The following E2F2 variants were observed in gnomAD, a reference collection of about 807,000 sequenced individuals.
The protein encoded by E2F2 is transcription factor E2F2.
In E2F2, 22 loss-of-function variants were observed where a neutral mutation model predicts 42.2. The observed-to-expected ratio is 0.52, with a 90% CI of 0.37 to 0.74. E2F2 has a LOEUF of 0.74. Ranked by LOEUF, E2F2 falls within the 30% of genes least tolerant of loss-of-function variation. The probability of loss-of-function intolerance (pLI) is 0.00; values close to 1 mark genes in which losing one functional copy is unlikely to be tolerated. For missense variants in E2F2, 481 were observed against 557.8 expected, an observed-to-expected ratio of 0.86 and a Z score of 1.39; for synonymous variants, 248 against 251.6, an observed-to-expected ratio of 0.99 and a Z score of 0.13.
At chr1:23,525,197 C>A (rs1004635171) in intron 1 of E2F2, among the ~76,000 whole-genome samples, 1 of 142,050 alleles carries the variant, frequency 7.0e-6, no homozygotes, top group Non-Finnish European at 1.6e-5. Flanking sequence ...CACCCCCCCC[C>A]TCCAGCTCCC....
At position 23,531,028 on chromosome 1, in the gene E2F2, C is replaced by T; in HGVS notation, c.-235G>A. 6.5e-6 allele frequency: 3 copies of T among 463,124 alleles called. No individual in the cohort carries two copies. The highest frequency in any genetic ancestry group is 1.1e-5 in the Non-Finnish European group (3 of 273,476). The allele number at this position is 463,124 out of a possible 1,614,324, so 28.7% of individuals were successfully genotyped here. On this transcript the variant is annotated 5_prime_UTR_variant, in exon 1 of 7. Transcript: ENST00000361729. ...CCGGCGGCTGCGGTGGTGGCACTGC[C>T]AGGGGCTGTCTCGTCCCGAGGGCAC...
At chr1:23,527,017 T>C (rs976245959) in intron 1 of E2F2, among the ~76,000 whole-genome samples, 2 of 152,242 alleles carry the variant, frequency 1.3e-5, no homozygotes, top group African/African-American at 4.8e-5. Context: ...TGGCTTGGGC[T>C]GAACCTGCAG....
rs1426946436 is a variant in E2F2 at position 23,509,090 on chromosome 1, G to A, written c.*790C>T. 1 of 152,058 alleles carries A rather than the reference G, an allele frequency of 6.6e-6. No homozygotes were observed. Among genetic ancestry groups the A allele is most frequent in the Non-Finnish European group, 1.5e-5 (1 of 68,008 alleles). 9.4% of individuals were successfully genotyped at this position (152,058 alleles called of 1,614,324 possible). ...GAGGTAAGGACTTCCTCAGGAAAGG[G>A]GTCTCCTGAGCAGGTGGCTCCTGTT... On this transcript the variant is annotated 3_prime_UTR_variant, in exon 7 of 7. Transcript: ENST00000361729.
chr1:23,530,846 G>A lies in E2F2; in HGVS notation c.-53C>T. The A allele has an allele frequency of 7.0e-7, 1 of 1,427,050 alleles. No homozygotes were observed. Among genetic ancestry groups the A allele is most frequent in the Non-Finnish European group, 9.2e-7 (1 of 1,091,810 alleles). 88.4% of individuals were successfully genotyped at this position (1,427,050 alleles called of 1,614,324 possible). Reference sequence around the variant, plus strand: ...GGGCTTGGCGCGCCCGCGGACACCTGCGGGTTCCGGTGCTGCCGCCTTTCA... The same window carrying A: ...GGGCTTGGCGCGCCCGCGGACACCTACGGGTTCCGGTGCTGCCGCCTTTCA... On this transcript the variant is annotated 5_prime_UTR_variant, in exon 1 of 7. Coordinates refer to ENST00000361729, the MANE Select transcript of E2F2 (RefSeq NM_004091.4). This position sits in a 1 kb window ranked among gnomAD's most constrained non-coding sequence, Gnocchi z 4.4.
chr1:23,523,629 T>C (rs535708352), intron 2 of E2F2, among the ~76,000 whole-genome samples: 6 of 152,334 alleles, frequency 3.9e-5, no homozygotes, highest in African/African-American at 1.4e-4. Context: ...TGTCTGCATG[T>C]GGGAGAAAGA....
chr1:23,515,733 CCT>C (rs1300701661), intron 6 of E2F2, among the ~76,000 whole-genome samples: 6 of 151,506 alleles, frequency 4.0e-5, no homozygotes, highest in Non-Finnish European at 8.8e-5. Flanking sequence ...ACAGGGTCTC[CCT>C]CTGTTGCCCA....
chr1:23,524,785 G>A (rs1261398240), intron 1 of E2F2, among the ~76,000 whole-genome samples: 5 of 152,252 alleles, frequency 3.3e-5, no homozygotes, highest in South Asian at 4.1e-4. Context: ...CCTTAACCAC[G>A]GGCCCTAAGC....
intron 4 of E2F2, among the ~76,000 whole-genome samples, 167 bp downstream of exon 4, chr1:23,520,746 A>C (rs111511770): frequency 4.7e-4 from 71 of 152,376 alleles, no homozygotes; most frequent in African/African-American, 1.7e-3. Flanking sequence ...TTGTCTCTAA[A>C]AAAAATAAAT....
At chr1:23,523,155 AT>A (rs34433615) in intron 2 of E2F2, among the ~76,000 whole-genome samples, 133 of 143,160 alleles carry the variant, frequency 9.3e-4, no homozygotes, top group Middle Eastern at 3.6e-3. Flanking sequence ...TCTAACCAGG[AT>A]TTTTTTTTTT....
intron 6 of E2F2, among the ~76,000 whole-genome samples, chr1:23,510,558 C>T (rs1642890463): frequency 6.6e-6 from 1 of 152,164 alleles, no homozygotes; most frequent in Admixed American, 6.5e-5. Flanking sequence ...CTCCTGACCT[C>T]AAGTGATCGG....
At position 23,507,197 on chromosome 1, in the gene E2F2, T is replaced by C. The variant is rs555767904; in HGVS notation, c.*2683A>G. ...GACACTGGCTTTTCTCTTACCCTCG[T>C]TTTAAAGTCTACCTGGTCCCTAAAG... On this transcript the variant is annotated 3_prime_UTR_variant, in exon 7 of 7. Coordinates refer to ENST00000361729, the MANE Select transcript of E2F2 (RefSeq NM_004091.4). The C allele has an allele frequency of 5.3e-5, 8 of 152,034 alleles. No homozygotes were observed. Among genetic ancestry groups the C allele is most frequent in the African/African-American group, 1.9e-4 (8 of 41,486 alleles). 9.4% of individuals were successfully genotyped at this position (152,034 alleles called of 1,614,324 possible).
chr1:23,526,851 G>GCACACA (rs3221150), intron 1 of E2F2, among the ~76,000 whole-genome samples: 6,291 of 148,790 alleles, frequency 0.042, 152 homozygotes, highest in East Asian at 0.06. Context: ...GCATGTACTT[G>GCACACA]CACACACACA....
chr1:23,506,058 G>A (rs541160750), downstream of E2F2, among the ~76,000 whole-genome samples: 1 of 152,260 alleles, frequency 6.6e-6, no homozygotes, highest in South Asian at 2.1e-4. Context: ...CCAGCGTGAG[G>A]CATGGTCTTG....
intron 2 of E2F2, 104 bp downstream of exon 2, chr1:23,524,279 T>C (rs1308279704): frequency 1.1e-6 from 1 of 921,920 alleles, no homozygotes; most frequent in Non-Finnish European, 1.6e-6. Context: ...AGGAAGCTTT[T>C]GTAAACTGGA....
chr1:23,516,635 A>C, intron 5 of E2F2, 108 bp from the exon 6 acceptor site: 1 of 884,354 alleles, frequency 1.1e-6, no homozygotes, highest in Non-Finnish European at 1.7e-6. Context: ...TGCAAGCTCA[A>C]ACCCTGGGCT....
rs1245070706 is a variant in E2F2 at position 23,522,065 on chromosome 1, G to A, written c.359-9C>T. 6.2e-7 allele frequency: 1 copy of A among 1,613,304 alleles called. No individual in the cohort carries two copies. The highest frequency in any genetic ancestry group is 1.1e-5 in the South Asian group (1 of 91,068). On this transcript the variant is annotated splice_polypyrimidine_tract_variant and intron_variant, in intron 2 of 6. Transcript: ENST00000361729. ...CCCGGGGGATTTGGGGGCTGAAGAAGAAAGGGACCCAGTCACAGCTCAGGG... is the reference window on the plus strand; with the variant it reads ...CCCGGGGGATTTGGGGGCTGAAGAAAAAAGGGACCCAGTCACAGCTCAGGG...
At position 23,530,024 on chromosome 1, in the gene E2F2, C is replaced by A. The variant is rs189875904; in HGVS notation, c.252+518G>T. Among the ~76,000 whole-genome samples the A allele has an allele frequency of 5.3e-5, 8 of 152,288 alleles. No individual in the cohort carries two copies. Among genetic ancestry groups the A allele is most frequent in the Non-Finnish European group, 1.0e-4 (7 of 68,020 alleles). On this transcript the variant is annotated intron_variant, in intron 1 of 6. Transcript: ENST00000361729. This position sits in a 1 kb window ranked among gnomAD's most constrained non-coding sequence, Gnocchi z 4.4. ...GGGAAGACTGGGCCTGGGGGAGGAC[C>A]TAGGGCAGATACTTGGGGCTATCTC...
chr1:23,519,289 TA>T, intron 4 of E2F2, 159 bp from the exon 5 acceptor site: 1 of 485,578 alleles, frequency 2.1e-6, no homozygotes, highest in Non-Finnish European at 3.7e-6. Flanking sequence ...GTTAATCTCA[TA>T]AGCTACCTTA....
chr1:23,521,175 A>G, intron 3 of E2F2, 104 bp from the exon 4 acceptor site: 2 of 1,285,910 alleles, frequency 1.6e-6, no homozygotes, highest in Admixed American at 3.1e-5. Flanking sequence ...TGTGGAAATC[A>G]GTGGTCATGC....
Sources: gnomAD v4.1 joint callset for allele counts (sites outside exome capture counted in the v4.1 genomes callset) on GRCh38, gnomAD v4.1.1 for gene constraint, Gnocchi (gnomAD v3.1) non-coding constraint, MANE v1.5 for transcripts, NCBI Gene and HGNC (gene_info 2026-07-23, HGNC 2026-07-21) for gene names.